Variants in PIK3C2G observed in about 807,000 individuals in gnomAD.
PIK3C2G encodes phosphatidylinositol-4-phosphate 3-kinase catalytic subunit type 2 gamma, also known as phosphatidylinositol 3-kinase C2 domain-containing subunit gamma.
A neutral mutation model predicts 181.1 loss-of-function variants in PIK3C2G; 168 were observed. That is an observed-to-expected ratio of 0.93 (90% CI 0.82 to 1.05). PIK3C2G has a LOEUF of 1.05. PIK3C2G is among the 50% of genes least tolerant of loss of function. The pLI is 0.00. For missense variants in PIK3C2G, 1,869 were observed against 1,732.8 expected (o/e 1.08, Z -1.40); for synonymous variants, 573 against 592.2 (o/e 0.97, Z 0.47).
intron 14 of PIK3C2G, among the ~76,000 whole-genome samples, chr12:18,383,121 A>C (rs1942947957): frequency 6.6e-6 from 1 of 152,228 alleles, no homozygotes; most frequent in Admixed American, 6.5e-5. Flanking sequence ...CCATGAATAA[A>C]GAGGAGAGAC....
At chr12:18,436,793 C>T (rs1337428876) in intron 18 of PIK3C2G, among the ~76,000 whole-genome samples, 1 of 151,946 alleles carries the variant, frequency 6.6e-6, no homozygotes, top group African/African-American at 2.4e-5. Flanking sequence ...ACAGAATAAT[C>T]TGACGTTCTG....
At chr12:18,563,819 T>A (rs1565512463) in intron 28 of PIK3C2G, among the ~76,000 whole-genome samples, 1 of 152,004 alleles carries the variant, frequency 6.6e-6, no homozygotes, top group Non-Finnish European at 1.5e-5. Flanking sequence ...CTCTTAGTTA[T>A]TTTTTATAAA....
the PIK3C2G span, chr12:18,705,387 C>T: frequency 2.0e-6 from 3 of 1,537,938 alleles, no homozygotes; most frequent in Admixed American, 3.4e-5. Context: ...AATATAAGTG[C>T]TTAATGTATT....
intron 31 of PIK3C2G, 44 bp from the exon 32 acceptor site, chr12:18,640,385 T>C (rs1325988812): frequency 6.4e-7 from 1 of 1,564,156 alleles, no homozygotes; most frequent in Middle Eastern, 1.7e-4. Context: ...TTGTTTTCTT[T>C]GATAGCAACA....
At chr12:18,625,500 G>A (rs1285768092) in intron 31 of PIK3C2G, among the ~76,000 whole-genome samples, 1 of 151,732 alleles carries the variant, frequency 6.6e-6, no homozygotes, top group Non-Finnish European at 1.5e-5. Flanking sequence ...TTATGTTGCT[G>A]TTGGATGGAA....
At chr12:18,383,747 G>A (rs145990245) in intron 14 of PIK3C2G, among the ~76,000 whole-genome samples, 1 of 151,858 alleles carries the variant, frequency 6.6e-6, no homozygotes, top group Non-Finnish European at 1.5e-5. Context: ...CAATGTTGTA[G>A]AAAATGCCTT....
chr12:18,696,075 A>C, the PIK3C2G span: 1 of 824,454 alleles, frequency 1.2e-6, no homozygotes. Context: ...CCTTTTCACG[A>C]GTTTTTCATA....
At chr12:18,581,625 G>A (rs1946506054) in intron 29 of PIK3C2G, among the ~76,000 whole-genome samples, 1 of 152,168 alleles carries the variant, frequency 6.6e-6, no homozygotes, top group Admixed American at 6.5e-5. Flanking sequence ...AATGGAGAGT[G>A]GGGCAAGAAG....
At chr12:18,655,182 A>G in the PIK3C2G span, among the ~76,000 whole-genome samples, 1 of 152,162 alleles carries the variant, frequency 6.6e-6, no homozygotes, top group African/African-American at 2.4e-5. Flanking sequence ...TACGGTGAAA[A>G]TATTAATCAT....
intron 24 of PIK3C2G, among the ~76,000 whole-genome samples, chr12:18,529,303 G>A (rs539439301): frequency 2.0e-5 from 3 of 152,230 alleles, no homozygotes; most frequent in Non-Finnish European, 4.4e-5. Flanking sequence ...TTTTCTCTTT[G>A]AGTGAAAAGG....
chr12:18,428,148 A>G (rs1945946176), intron 18 of PIK3C2G, among the ~76,000 whole-genome samples: 1 of 151,960 alleles, frequency 6.6e-6, no homozygotes, highest in Non-Finnish European at 1.5e-5. Flanking sequence ...CACTAAGCAT[A>G]AAATAATATT....
At chr12:18,574,864 G>T (rs1267700283) in intron 29 of PIK3C2G, among the ~76,000 whole-genome samples, 1 of 152,000 alleles carries the variant, frequency 6.6e-6, no homozygotes, top group Non-Finnish European at 1.5e-5. Flanking sequence ...TCAAGTCATG[G>T]TTTAAATTTC....
chr12:18,626,913 C>T (rs1309071198), intron 31 of PIK3C2G, among the ~76,000 whole-genome samples: 1 of 151,862 alleles, frequency 6.6e-6, no homozygotes, highest in East Asian at 1.9e-4. Flanking sequence ...TGGATGTTAG[C>T]TTTTTTGGTC....
At chr12:18,627,561 T>C (rs1949158857) in intron 31 of PIK3C2G, among the ~76,000 whole-genome samples, 1 of 152,160 alleles carries the variant, frequency 6.6e-6, no homozygotes, top group Admixed American at 6.6e-5. Context: ...ATTCTTGTTG[T>C]AAGGAGATAT....
the PIK3C2G span, among the ~76,000 whole-genome samples, chr12:18,700,175 A>G: frequency 1.3e-5 from 2 of 152,140 alleles, no homozygotes; most frequent in Non-Finnish European, 2.9e-5. Context: ...TAATGTAATA[A>G]GTATTGAGGA....
At chr12:18,291,037 A>G (rs1949670442) in intron 4 of PIK3C2G, 25 bp downstream of exon 4, 1 of 1,482,542 alleles carries the variant, frequency 6.7e-7, no homozygotes. Flanking sequence ...AAATAAGTCT[A>G]CAAATCTATA....
At chr12:18,344,493 T>C (rs549625274) in intron 10 of PIK3C2G, among the ~76,000 whole-genome samples, 1 of 152,244 alleles carries the variant, frequency 6.6e-6, no homozygotes, top group African/African-American at 2.4e-5. Context: ...GGACACTTCC[T>C]GACAGTATTG....
chr12:18,562,867 T>C lies in PIK3C2G; in HGVS notation c.3755T>C (p.Leu1252Ser). Residue 1252 changes from leucine to serine, a missense_variant, in exon 27 of 33, where the codon TTA becomes TCA. Physicochemically the swap from Leu to Ser is moderately radical, Grantham distance 145. Transcript: ENST00000538779. ...TTRSIERATI[L>S]GFSKKSSNLY... Reference sequence around the variant, plus strand: ...AGGTCGATTGAAAGAGCAACAATTTTAGGGTTCAGCAAGAAATCCAGTAAT... The same window carrying C: ...AGGTCGATTGAAAGAGCAACAATTTCAGGGTTCAGCAAGAAATCCAGTAAT... The C allele has an allele frequency of 6.2e-7, 1 of 1,602,194 alleles. No homozygotes were observed.
At chr12:18,283,298 C>A (rs1012300866) in intron 2 of PIK3C2G, among the ~76,000 whole-genome samples, 2 of 152,014 alleles carry the variant, frequency 1.3e-5, no homozygotes, top group Non-Finnish European at 1.5e-5. Flanking sequence ...CATCTTAATG[C>A]TTTTATTACT....
Sources: gnomAD v4.1 joint callset for allele counts (sites outside exome capture counted in the v4.1 genomes callset) on GRCh38, gnomAD v4.1.1 for gene constraint, MANE v1.5 for transcripts, NCBI Gene and HGNC (gene_info 2026-07-23, HGNC 2026-07-21) for gene names.